LAMA5: variants seen among roughly 807,000 people sequenced by gnomAD.
The protein encoded by LAMA5 is laminin subunit alpha 5.
Under a neutral mutation model 433.4 loss-of-function variants are expected in LAMA5, and 260 were observed. The ratio of observed to expected loss-of-function variants is 0.60; its 90% confidence interval spans 0.54 to 0.66. The LOEUF is 0.66. LAMA5 is among the 30% of genes least tolerant of loss of function. The pLI is 0.00. For synonymous variants in LAMA5, 2,620 were observed against 2,226.6 expected, an observed-to-expected ratio of 1.18 and a Z score of -4.97; for missense variants, 5,378 against 5,258.5, an observed-to-expected ratio of 1.02 and a Z score of -0.70.
rs1182147546 is a variant in LAMA5, at chr20:62,319,731, G to A, written c.6824C>T (p.Ala2275Val). The change falls in exon 51 of 80, where the codon GCG becomes GTG. Residue 2275 changes from alanine to valine, a missense_variant. Coordinates refer to ENST00000252999, the MANE Select transcript of LAMA5 (RefSeq NM_005560.6). ...LAGTEATLGH[A>V]KTLLAAIRAV... ...CCGGATGGCCGCCAACAGCGTCTTCGCATGGCCCAGTGTGGCCTCGGTGCC... is the reference window on the plus strand; with the variant it reads ...CCGGATGGCCGCCAACAGCGTCTTCACATGGCCCAGTGTGGCCTCGGTGCC... 1.2e-5 allele frequency: 19 copies of A among 1,548,558 alleles called. No homozygotes were observed. Among genetic ancestry groups the A allele is most frequent in the East Asian group, 4.9e-5 (2 of 41,088 alleles).
rs1978498400 is a variant in LAMA5, at chr20:62,322,715, G to GCGGGGGTCGCAGGCCTCTGTCCCACA, written c.6107_6108insTGTGGGACAGAGGCCTGCGACCCCCG (p.Ser2037ValfsTer19). On this transcript the variant is annotated frameshift_variant, in exon 46 of 80. Coordinates refer to ENST00000252999, the MANE Select transcript of LAMA5 (RefSeq NM_005560.6). LOFTEE classifies it high-confidence loss of function. Reference sequence around the variant, plus strand: ...CCGCCTTGCACAGGCAGTGCCCGCTGTGGGGGTCGCAGGCCTCTGTCCCAC... The same window carrying GCGGGGGTCGCAGGCCTCTGTCCCACA: ...CCGCCTTGCACAGGCAGTGCCCGCTGCGGGGGTCGCAGGCCTCTGTCCCACATGGGGGTCGCAGGCCTCTGTCCCAC... 6.5e-7 allele frequency: 1 copy of GCGGGGGTCGCAGGCCTCTGTCCCACA among 1,543,706 alleles called. No individual in the cohort carries two copies. The highest frequency in any genetic ancestry group is 8.7e-7 in the Non-Finnish European group (1 of 1,146,544).
At chr20:62,323,993 T>G in intron 43 of LAMA5, 87 bp downstream of exon 43, 1 of 1,422,990 alleles carries the variant, frequency 7.0e-7, no homozygotes, top group Non-Finnish European at 9.3e-7. Flanking sequence ...TCCAGGCCTC[T>G]GCAGAGGGCA....
Position 62,327,949 on chromosome 20 carries a change from G to C in LAMA5, c.4714C>G (p.Pro1572Ala). ...TGACAGTCACAGGGGCGGCAGCGGGGGTAGCCATGGAAGCCCGGAGAGCAG... is the reference window on the plus strand; with the variant it reads ...TGACAGTCACAGGGGCGGCAGCGGGCGTAGCCATGGAAGCCCGGAGAGCAG... ...DTCSPGFHGY[P>A]RCRPCDCHEA... Residue 1572 changes from proline (P) to alanine (A), a missense_variant, in exon 36 of 80, where the codon CCC becomes GCC. Physicochemically the swap from Pro to Ala is conservative, Grantham distance 27 (BLOSUM62 -1). Coordinates refer to ENST00000252999, the MANE Select transcript of LAMA5 (RefSeq NM_005560.6). 1 of 1,612,532 alleles carries C rather than the reference G, an allele frequency of 6.2e-7. No homozygotes were observed. Among genetic ancestry groups the C allele is most frequent in the Non-Finnish European group, 8.5e-7 (1 of 1,179,912 alleles).
At chr20:62,362,130 C>T (rs1037844271) in intron 2 of LAMA5, among the ~76,000 whole-genome samples, 5 of 152,330 alleles carry the variant, frequency 3.3e-5, no homozygotes, top group African/African-American at 2.4e-5. Flanking sequence ...ACTCAGCACC[C>T]GCAACCAAAC....
intron 18 of LAMA5, among the ~76,000 whole-genome samples, chr20:62,335,854 C>T (rs1011625650): frequency 3.4e-5 from 5 of 147,392 alleles, no homozygotes; most frequent in African/African-American, 1.3e-4. Context: ...CAGTACCCCC[C>T]CAGGAACCCC....
chr20:62,312,146 G>C (rs747706085), intron 69 of LAMA5, 27 bp downstream of exon 69: 65 of 1,609,914 alleles, frequency 4.0e-5, no homozygotes, highest in Middle Eastern at 1.6e-4. Context: ...CGCGGGGTGG[G>C]GAATGGGCAC....
At position 62,346,508 on chromosome 20, in the gene LAMA5, C is replaced by T. The variant is rs745570365; in HGVS notation, c.1280G>A (p.Arg427His). ...NHPLDSPHVC[R>H]RCNCESDFTD... ...CCCGCCCAGCTGAGCCCACTCACGG[C>T]GGCAGACGTGGGGCGAGTCGAGAGG... Residue 427 changes from arginine (R) to histidine (H), a missense_variant and splice_region_variant, in exon 9 of 80, where the codon CGC becomes CAC. Arg to His is a conservative substitution (Grantham distance 29). Transcript: ENST00000252999. 9 of 1,550,872 alleles carry T rather than the reference C, an allele frequency of 5.8e-6. No individual in the cohort carries two copies. In the South Asian group the frequency reaches 8.3e-5, roughly 14 times the overall value.
chr20:62,327,723 G>A (rs991993521), intron 36 of LAMA5, 54 bp from the exon 37 acceptor site: 15 of 1,599,144 alleles, frequency 9.4e-6, no homozygotes, highest in East Asian at 2.2e-5. Context: ...GCCTGACCCC[G>A]GGTTCCTGGT....
At position 62,328,245 on chromosome 20, in the gene LAMA5, A is replaced by C. The variant is rs1601337262; in HGVS notation, c.4648T>G (p.Cys1550Gly). ...DPTCDTDSGQ[C>G]KCRPNVTGRR... is the part of the protein sequence containing the mutation. ...GACGCCGCTCTGGGCTCTCACTTGC[A>C]CTGGCCGCTGTCTGTGTCACAGGTA... The change falls in exon 35 of 80, where the codon TGC (cysteine) becomes GGC (glycine). Residue 1550 changes from cysteine (C) to glycine (G), a missense_variant. Coordinates refer to ENST00000252999, the MANE Select transcript of LAMA5 (RefSeq NM_005560.6). The C allele has an allele frequency of 6.2e-7, 1 of 1,603,540 alleles. No individual in the cohort carries two copies. Among genetic ancestry groups the C allele is most frequent in the Non-Finnish European group, 8.5e-7 (1 of 1,175,346 alleles).
At position 62,311,783 on chromosome 20, in the gene LAMA5, C is replaced by T; in HGVS notation, c.9637G>A (p.Val3213Ile). 3.2e-6 allele frequency: 5 copies of T among 1,557,414 alleles called. No homozygotes were observed. The highest frequency in any genetic ancestry group is 1.9e-5 in the Admixed American group (1 of 52,196). The change falls in exon 71 of 80, where the codon GTC (valine) becomes ATC (isoleucine). Residue 3213 changes from valine (V) to isoleucine (I), a missense_variant and splice_region_variant. Val to Ile is a conservative substitution (Grantham distance 29). Coordinates refer to ENST00000252999, the MANE Select transcript of LAMA5 (RefSeq NM_005560.6). The stretch of plus-strand genomic sequence containing the variant: ...AGCTGGTCATCGACATACAGCCAGA[C>T]TCTGGGGGGCGGGAGGCCGGAGGCT... ...YVAFYSNATG[V>I]WLYVDDQLQQ...
At chr20:62,327,203 T>A in intron 38 of LAMA5, 30 bp downstream of exon 38, 1 of 1,469,338 alleles carries the variant, frequency 6.8e-7, no homozygotes, top group Non-Finnish European at 9.0e-7. Flanking sequence ...ATCCTCAAAG[T>A]GCCTCCCCCA....
chr20:62,327,256 G>C lies in LAMA5; in HGVS notation c.5089C>G (p.Pro1697Ala). Reference sequence around the variant, plus strand: ...ACCCGGTCCCCCAGGTAGGAGGGTGGGGCCTGCCAGTACAGCTCGGGGAAA... The same window carrying C: ...ACCCGGTCCCCCAGGTAGGAGGGTGCGGCCTGCCAGTACAGCTCGGGGAAA... Reference protein sequence around the residue: ...EAFPELYWQAPPSYLGDRVSS... With the variant: ...EAFPELYWQAAPSYLGDRVSS... Residue 1697 changes from proline (P) to alanine (A), a missense_variant, in exon 38 of 80, where the codon CCA becomes GCA. Transcript: ENST00000252999. 6.5e-7 allele frequency: 1 copy of C among 1,530,480 alleles called. No individual in the cohort carries two copies. The highest frequency in any genetic ancestry group is 8.8e-7 in the Non-Finnish European group (1 of 1,140,224). 94.8% of individuals were successfully genotyped at this position (1,530,480 alleles called of 1,614,324 possible).
rs141956594 is a variant in LAMA5 at position 62,311,067 on chromosome 20, C to A, written c.10116G>T (p.Pro3372=). ...NWPSLSMHVL[P]RSSRGLLLFT... ...AGAGGAGGAGGCCTCGGGAGCTTCG[C>A]GGGAGGACGTGCATGGAGAGACTGG... Residue 3372 remains proline (P), a synonymous_variant, in exon 74 of 80, where the codon CCG becomes CCT. Transcript: ENST00000252999. The A allele has an allele frequency of 1.2e-5, 19 of 1,594,202 alleles. No homozygotes were observed. Among genetic ancestry groups the A allele is most frequent in the African/African-American group, 1.1e-4 (8 of 74,394 alleles).
chr20:62,334,751 CT>C (rs371052006), intron 20 of LAMA5, 130 bp from the exon 21 acceptor site: 21 of 644,178 alleles, frequency 3.3e-5, no homozygotes, highest in Middle Eastern at 4.1e-4. Flanking sequence ...GGGCTCAGGG[CT>C]CAGGGCGAGG....
At position 62,322,423 on chromosome 20, in the gene LAMA5, G is replaced by A. The variant is rs371857115; in HGVS notation, c.6192C>T (p.Cys2064=). Residue 2064 remains cysteine (C), a synonymous_variant, in exon 47 of 80, where the codon TGC becomes TGT. Coordinates refer to ENST00000252999, the MANE Select transcript of LAMA5 (RefSeq NM_005560.6). The stretch of plus-strand genomic sequence containing the variant: ...CACAAGCACACGGGCGGCAGCCCCC[G>A]CAGCCATCGAAACCAAAATGTCCCT... The part of the protein sequence containing the change: ...CQEGHFGFDG[C]GGCRPCACGP... The A allele has an allele frequency of 5.4e-5, 86 of 1,592,068 alleles. 1 individual carries two copies. The highest frequency in any genetic ancestry group is 3.3e-4 in the Middle Eastern group (2 of 6,022).
intron 50 of LAMA5, among the ~76,000 whole-genome samples, chr20:62,320,087 G>A (rs528142638): frequency 3.6e-3 from 543 of 152,236 alleles, no homozygotes; most frequent in Non-Finnish European, 5.8e-3. Flanking sequence ...GGGAGGCTGA[G>A]ATGGGCAGAT....
chr20:62,312,817 C>T, intron 66 of LAMA5, 37 bp from the exon 67 acceptor site: 1 of 1,600,794 alleles, frequency 6.2e-7, no homozygotes, highest in South Asian at 1.1e-5. Flanking sequence ...CCAGCTGTGT[C>T]CCTGCGGCCT....
chr20:62,319,907 T>C, intron 50 of LAMA5, 112 bp from the exon 51 acceptor site: 1 of 664,204 alleles, frequency 1.5e-6, no homozygotes, highest in Non-Finnish European at 2.6e-6. Context: ...AGGGGCCCCT[T>C]ATCTATTTAA....
Position 62,328,778 on chromosome 20 carries a change from A to AC in LAMA5, c.4447+65dup, listed in dbSNP as rs1207942877. 39 of 1,476,732 alleles carry AC rather than the reference A, an allele frequency of 2.6e-5. No individual in the cohort carries two copies. The African/African-American group carries it at 5.2e-4, about 20-fold the overall frequency. 91.5% of individuals were successfully genotyped at this position (1,476,732 alleles called of 1,614,324 possible). Reference sequence around the variant, plus strand: ...TTCTCCTGACCCTGCTTTCTGGTCGACCCGTCCACCTTGGGCTCTGGCACC... The same window carrying AC: ...TTCTCCTGACCCTGCTTTCTGGTCGACCCCGTCCACCTTGGGCTCTGGCACC... On this transcript the variant is annotated intron_variant, in intron 34 of 79. Coordinates refer to ENST00000252999, the MANE Select transcript of LAMA5 (RefSeq NM_005560.6).
Sources: allele counts gnomAD v4.1 joint callset (sites outside exome capture counted in the v4.1 genomes callset), GRCh38; gene constraint gnomAD v4.1.1; transcripts MANE v1.5; gene names NCBI Gene and HGNC (gene_info 2026-07-23, HGNC 2026-07-21).